LIG1: variants seen among roughly 807,000 people sequenced by gnomAD.
LIG1 encodes DNA ligase 1, also known as ligase I, DNA, ATP-dependent.
In LIG1, 70 loss-of-function variants were observed where a neutral mutation model predicts 115.7. That is an observed-to-expected ratio of 0.60 (90% CI 0.50 to 0.74). The LOEUF is 0.74. Among genes scored for constraint, LIG1 ranks in the 30% least tolerant of loss-of-function variants. The pLI is 0.00. For synonymous variants in LIG1, 487 were observed against 495.3 expected (o/e 0.98, Z 0.22); for missense variants, 1,115 against 1,225.6 (o/e 0.91, Z 1.35).
At chr19:48,135,821 C>A in intron 15 of LIG1, 42 bp from the exon 16 acceptor site, 1 of 1,548,406 alleles carries the variant, frequency 6.5e-7, no homozygotes, top group Non-Finnish European at 8.9e-7. Context: ...GCACCCACAT[C>A]CTTGGCTACA....
At position 48,121,284 on chromosome 19, in the gene LIG1, C is replaced by T. The variant is rs1048719857; in HGVS notation, c.2271G>A (p.Leu757=). ...GGTAGGCGCCGATCACCACCAGGTC[C>T]AGGGTGTCACCCACGCCATCAAGGT... ...KDYLDGVGDT[L]DLVVIGAYLG... Residue 757 remains leucine, a synonymous_variant, in exon 24 of 28, where the codon CTG becomes CTA. Transcript: ENST00000263274. The T allele has an allele frequency of 6.2e-7, 1 of 1,611,926 alleles. No individual in the cohort carries two copies. Among genetic ancestry groups the T allele is most frequent in the African/African-American group, 1.3e-5 (1 of 74,910 alleles).
intron 2 of LIG1, among the ~76,000 whole-genome samples, chr19:48,163,349 G>C (rs1042722540): frequency 6.6e-6 from 1 of 152,044 alleles, no homozygotes; most frequent in African/African-American, 2.4e-5. Flanking sequence ...AGCCTCCTGA[G>C]TAGCTGAGAT....
chr19:48,163,900 G>A (rs933939256), intron 2 of LIG1, among the ~76,000 whole-genome samples: 5 of 147,166 alleles, frequency 3.4e-5, no homozygotes, highest in Non-Finnish European at 5.9e-5. Flanking sequence ...AGCCAAGATC[G>A]CGCCACTGCA....
At chr19:48,124,255 T>C (rs2033512355) in intron 21 of LIG1, among the ~76,000 whole-genome samples, 1 of 152,190 alleles carries the variant, frequency 6.6e-6, no homozygotes, top group African/African-American at 2.4e-5. Flanking sequence ...CATGAACATT[T>C]TGTATGAAAA....
chr19:48,150,433 G>A (rs1318958680), intron 7 of LIG1, among the ~76,000 whole-genome samples: 2 of 152,068 alleles, frequency 1.3e-5, no homozygotes, highest in African/African-American at 4.8e-5. Flanking sequence ...GGAGACTTAG[G>A]AATAGTGGTA....
intron 8 of LIG1, 104 bp downstream of exon 8, chr19:48,149,984 G>A: frequency 3.8e-6 from 6 of 1,592,310 alleles, no homozygotes; most frequent in Non-Finnish European, 5.2e-6. Context: ...CCAACCAGCA[G>A]GAAAGGAAGA....
intron 9 of LIG1, among the ~76,000 whole-genome samples, chr19:48,144,177 TA>T (rs35056937): frequency 5.3e-5 from 8 of 151,984 alleles, no homozygotes; most frequent in Non-Finnish European, 8.8e-5. Flanking sequence ...TTTTAGGTGT[TA>T]AAAAAATCTT....
At chr19:48,148,934 C>T (rs1188757871) in intron 9 of LIG1, among the ~76,000 whole-genome samples, 2 of 152,036 alleles carry the variant, frequency 1.3e-5, no homozygotes, top group African/African-American at 2.4e-5. Context: ...CGTGGGCCGC[C>T]CAGGGCTGGC....
At chr19:48,126,544 T>G (rs2033679623) in intron 21 of LIG1, among the ~76,000 whole-genome samples, 1 of 151,222 alleles carries the variant, frequency 6.6e-6, no homozygotes, top group Non-Finnish European at 1.5e-5. Context: ...AGGAGGCAGT[T>G]GTAGTGAGCT....
chr19:48,129,610 A>T (rs554055625), intron 19 of LIG1, among the ~76,000 whole-genome samples: 1 of 152,314 alleles, frequency 6.6e-6, no homozygotes, highest in East Asian at 1.9e-4. Flanking sequence ...GACTAGTGCC[A>T]TATTATACCA....
At chr19:48,152,154 C>T (rs1417495617) in intron 6 of LIG1, among the ~76,000 whole-genome samples, 1 of 152,014 alleles carries the variant, frequency 6.6e-6, no homozygotes, top group African/African-American at 2.4e-5. Context: ...ACACAGTCTC[C>T]CTCTGTCGCC....
At chr19:48,130,996 C>T in intron 19 of LIG1, 80 bp downstream of exon 19, 1 of 1,148,240 alleles carries the variant, frequency 8.7e-7, no homozygotes, top group South Asian at 1.2e-5. Flanking sequence ...CACTGTGCCA[C>T]ACTGGCCTAG....
intron 14 of LIG1, 38 bp downstream of exon 14, chr19:48,136,970 C>A (rs747642401): frequency 4.6e-6 from 7 of 1,531,178 alleles, no homozygotes; most frequent in South Asian, 1.2e-5. Flanking sequence ...TCCGAGCCTG[C>A]AGTCCCCCTC....
chr19:48,148,419 G>A (rs960362769), intron 9 of LIG1, among the ~76,000 whole-genome samples: 1 of 150,616 alleles, frequency 6.6e-6, no homozygotes, highest in Non-Finnish European at 1.5e-5. Flanking sequence ...AAGGTGCAAT[G>A]AGCTGAGATC....
In LIG1 at chr19:48,116,258, AC is replaced by A. The variant is rs564893696; in HGVS notation, c.2584-294del. ...GGAGATGGAGACTATCCTGGCTAAC[AC>A]GGTGAAACCCCGCCTCTACTAAAAA... On this transcript the variant is annotated intron_variant, in intron 26 of 27. Coordinates refer to ENST00000263274, the MANE Select transcript of LIG1 (RefSeq NM_000234.3). 2.6e-3 allele frequency: 944 copies of A among 359,050 alleles called. 2 individuals carry two copies. Among genetic ancestry groups the A allele is most frequent in the Non-Finnish European group, 4.1e-3 (761 of 186,076 alleles). The allele number at this position is 359,050 out of a possible 1,614,324, so 22.2% of individuals were successfully genotyped here.
At chr19:48,123,431 C>G (rs753278583) in intron 21 of LIG1, 113 bp from the exon 22 acceptor site, 5 of 1,273,558 alleles carry the variant, frequency 3.9e-6, no homozygotes, top group Admixed American at 1.9e-5. Flanking sequence ...TGACAGGGTT[C>G]GTGGAAAGCC....
Position 48,162,719 on chromosome 19 carries a change from C to G in LIG1, c.18-368G>C. Among the ~76,000 whole-genome samples the G allele has an allele frequency of 2.0e-5, 3 of 152,040 alleles. 1 individual carries two copies. The East Asian group carries it at 5.8e-4, about 29-fold the overall frequency. On this transcript the variant is annotated intron_variant, in intron 2 of 27. Coordinates refer to ENST00000263274, the MANE Select transcript of LIG1 (RefSeq NM_000234.3). ...CTGGGATTACAGGCATAAGCCACCG[C>G]GCCCGGCCGCATCCTATAACTTCTA...
chr19:48,131,694 C>G (rs919106399), intron 18 of LIG1, among the ~76,000 whole-genome samples: 2 of 152,158 alleles, frequency 1.3e-5, no homozygotes, highest in African/African-American at 2.4e-5. Context: ...CCACCTTAGC[C>G]TCCCAAAGTG....
chr19:48,121,736 G>A (rs1479681464), intron 23 of LIG1, among the ~76,000 whole-genome samples: 1 of 152,226 alleles, frequency 6.6e-6, no homozygotes. Flanking sequence ...GGGAGGCGGA[G>A]GTTGCAGTGA....
Sources: gnomAD v4.1 joint callset for allele counts (sites outside exome capture counted in the v4.1 genomes callset) on GRCh38, gnomAD v4.1.1 for gene constraint, MANE v1.5 for transcripts, NCBI Gene and HGNC (gene_info 2026-07-23, HGNC 2026-07-21) for gene names.